Variants in TBC1D9B observed in about 807,000 individuals in gnomAD.
The protein encoded by TBC1D9B is TBC1 domain family, member 9B (with GRAM domain).
TBC1D9B carries 87 observed loss-of-function variants against 121.1 expected under a neutral mutation model. The ratio of observed to expected loss-of-function variants is 0.72; its 90% CI spans 0.60 to 0.86. The LOEUF (loss-of-function observed/expected upper bound fraction) is 0.86, where lower values mean the gene tolerates loss of function less well. Among genes scored for constraint, TBC1D9B ranks in the 40% least tolerant of loss-of-function variants. TBC1D9B has a pLI of 0.00. For missense variants in TBC1D9B, 1,540 were observed against 1,628.6 expected, an observed-to-expected ratio of 0.95 and a Z score of 0.94; for synonymous variants, 668 against 670.1, an observed-to-expected ratio of 1.00 and a Z score of 0.05.
rs1289180171 is a variant in TBC1D9B, at chr5:179,899,267, C to T, written c.270G>A (p.Leu90=). The change falls in exon 3 of 21, where the codon CTG becomes CTA. Residue 90 remains leucine (L), a synonymous_variant. Coordinates refer to ENST00000355235, the MANE Select transcript of TBC1D9B (RefSeq NM_015043.4). ...ACAGTGTCTGGAGCAAGTTATTTTC[C>T]AGCCATTCCCAGTGTTTTGTGATCT... ...RKEITKHWEW[L]ENNLLQTLSI... is the part of the protein sequence containing the mutation. The T allele has an allele frequency of 6.2e-7, 1 of 1,614,096 alleles. No homozygotes were observed. The highest frequency in any genetic ancestry group is 1.7e-5 in the Admixed American group (1 of 60,008).
chr5:179,873,993 G>A (rs535992723), intron 12 of TBC1D9B, among the ~76,000 whole-genome samples: 4 of 152,330 alleles, frequency 2.6e-5, no homozygotes, highest in Admixed American at 6.5e-5. Flanking sequence ...CCACAGTAGG[G>A]AGGTGACAAC....
intron 12 of TBC1D9B, among the ~76,000 whole-genome samples, chr5:179,873,781 G>A (rs1283167667): frequency 6.6e-6 from 1 of 152,132 alleles, no homozygotes; most frequent in Admixed American, 6.5e-5. Flanking sequence ...GGCCTCTCTG[G>A]GTCCCTGGGC....
Position 179,863,772 on chromosome 5 carries a change from C to G in TBC1D9B, c.3378G>C (p.Leu1126=). 6.2e-7 allele frequency: 1 copy of G among 1,613,692 alleles called. No homozygotes were observed. The highest frequency in any genetic ancestry group is 8.5e-7 in the Non-Finnish European group (1 of 1,180,010). Reference sequence around the variant, plus strand: ...TGTCGTCTTTGGTTTCATCGTCAGACAGCAGCTGGGAGGGTGAGCCCTGTC... The same window carrying G: ...TGTCGTCTTTGGTTTCATCGTCAGAGAGCAGCTGGGAGGGTGAGCCCTGTC... The part of the protein sequence containing the change: ...GEGQGSPSQL[L]SDDETKDDMS... Residue 1126 remains leucine, a synonymous_variant, in exon 21 of 21, where the codon CTG becomes CTC. Coordinates refer to ENST00000355235, the MANE Select transcript of TBC1D9B (RefSeq NM_015043.4). The surrounding 1 kb of genome is among the most constrained non-coding windows in gnomAD (Gnocchi z 4.5).
In TBC1D9B at chr5:179,863,684, C is replaced by T. The variant is rs749545069; in HGVS notation, c.3466G>A (p.Asp1156Asn). 1.7e-5 allele frequency: 27 copies of T among 1,613,574 alleles called. No individual in the cohort carries two copies. The highest frequency in any genetic ancestry group is 9.9e-5 in the South Asian group (9 of 91,082). ...GSLQCEDLADDTVLVGGEACS... is the reference protein window; with the variant it reads ...GSLQCEDLADNTVLVGGEACS... ...GCCTCCCCGCCCACCAGCACCGTGT[C>T]GTCTGCAAGGTCTTCACATTGCAGG... Residue 1156 changes from aspartate to asparagine, a missense_variant, in exon 21 of 21, where the codon GAC (aspartate) becomes AAC (asparagine). Coordinates refer to ENST00000355235, the MANE Select transcript of TBC1D9B (RefSeq NM_015043.4). The surrounding 1 kb of genome is among the most constrained non-coding windows in gnomAD (Gnocchi z 4.5).
Position 179,870,447 on chromosome 5 carries a change from C to T in TBC1D9B, c.2533G>A (p.Gly845Ser), listed in dbSNP as rs148516399. Residue 845 changes from glycine (G) to serine (S), a missense_variant, in exon 16 of 21, where the codon GGC becomes AGC. Coordinates refer to ENST00000355235, the MANE Select transcript of TBC1D9B (RefSeq NM_015043.4). ...TAGGGCAGGCTGGGGTCCCGACGGC[C>T]GGCCATTGTGCGGCTGCACCCCCAG... ...QYWGCSRTMA[G>S]RRDPSLPYLE... is the part of the protein sequence containing the mutation. 70 of 1,612,850 alleles carry T rather than the reference C, an allele frequency of 4.3e-5. No homozygotes were observed. The highest frequency in any genetic ancestry group is 3.9e-4 in the African/African-American group (29 of 74,926).
Position 179,891,538 on chromosome 5 carries a change from C to A in TBC1D9B, c.885G>T (p.Arg295=), listed in dbSNP as rs575958923. Residue 295 remains arginine, a synonymous_variant, in exon 6 of 21, where the codon CGG becomes CGT. Transcript: ENST00000355235. This position sits in a 1 kb window ranked among gnomAD's most constrained non-coding sequence, Gnocchi z 4.3. Reference sequence around the variant, plus strand: ...CGTCTAGCCGCTCATCCCTGGGCAGCCGGAACGTGGCTCGGTAGCACTCAT... The same window carrying A: ...CGTCTAGCCGCTCATCCCTGGGCAGACGGAACGTGGCTCGGTAGCACTCAT... ...AKNECYRATF[R]LPRDERLDGH... The A allele has an allele frequency of 5.0e-6, 8 of 1,613,916 alleles. No homozygotes were observed. Among genetic ancestry groups the A allele is most frequent in the Non-Finnish European group, 6.8e-6 (8 of 1,179,992 alleles).
chr5:179,883,287 C>T (rs1760590470), intron 7 of TBC1D9B, among the ~76,000 whole-genome samples: 1 of 152,182 alleles, frequency 6.6e-6, no homozygotes. Context: ...CTTATTTTAT[C>T]AGTTTTCCTG....
intron 7 of TBC1D9B, among the ~76,000 whole-genome samples, chr5:179,881,032 G>T (rs1036082048): frequency 3.9e-5 from 6 of 152,076 alleles, no homozygotes; most frequent in African/African-American, 1.4e-4. Flanking sequence ...CGGGTGTGTG[G>T]CGTGCAGCAG....
At chr5:179,882,408 C>T (rs1760567431) in intron 7 of TBC1D9B, among the ~76,000 whole-genome samples, 1 of 152,186 alleles carries the variant, frequency 6.6e-6, no homozygotes, top group African/African-American at 2.4e-5. Context: ...GCTTCCATCA[C>T]TCCTTGGTTA....
intron 10 of TBC1D9B, among the ~76,000 whole-genome samples, chr5:179,877,590 G>A (rs781732614): frequency 6.6e-6 from 1 of 151,436 alleles, no homozygotes; most frequent in Non-Finnish European, 1.5e-5. Context: ...CTTGAACCTG[G>A]GTGGTAGAGG....
chr5:179,869,785 C>T lies in TBC1D9B; in HGVS notation c.2775G>A (p.Lys925=). Residue 925 remains lysine (K), a synonymous_variant, in exon 17 of 21, where the codon AAG becomes AAA. Coordinates refer to ENST00000355235, the MANE Select transcript of TBC1D9B (RefSeq NM_015043.4). ...GGCTCTCACCTGGGGGAAGGTGTAG[C>T]TTGTAGAGCACCTTGAGCTTCTCTG... is the stretch of plus-strand genomic sequence containing the variant. ...DLTEKLKVLY[K]LHLPPALSPE... is the part of the protein sequence containing the mutation. 6.2e-7 allele frequency: 1 copy of T among 1,600,156 alleles called. No homozygotes were observed. Among genetic ancestry groups the T allele is most frequent in the Non-Finnish European group, 8.5e-7 (1 of 1,172,658 alleles).
At position 179,904,381 on chromosome 5, in the gene TBC1D9B, C is replaced by A. The variant is rs941644957; in HGVS notation, c.229+321G>T. Among the ~76,000 whole-genome samples the A allele has an allele frequency of 2.2e-4, 34 of 152,144 alleles. 2 individuals are homozygous for A. Among genetic ancestry groups the A allele is most frequent in the African/African-American group, 6.5e-4 (27 of 41,480 alleles). ...CTGGGACTACAGGCCTCCGCCACCA[C>A]CCCCAGCTAATTTTTTGTGTTTTTT... On this transcript the variant is annotated intron_variant, in intron 2 of 20. Transcript: ENST00000355235. The surrounding 1 kb of genome is among the most constrained non-coding windows in gnomAD (Gnocchi z 4.2).
intron 7 of TBC1D9B, among the ~76,000 whole-genome samples, chr5:179,882,210 G>A (rs1760563045): frequency 6.6e-6 from 1 of 152,164 alleles, no homozygotes; most frequent in Non-Finnish European, 1.5e-5. Flanking sequence ...CTCCCAAAGT[G>A]TTGGGATTAC....
chr5:179,864,520 G>C (rs1179237180), intron 20 of TBC1D9B, among the ~76,000 whole-genome samples: 1 of 145,118 alleles, frequency 6.9e-6, no homozygotes, highest in Non-Finnish European at 1.5e-5. Context: ...CTCAGCCCTT[G>C]AATGAAGCTC....
chr5:179,895,564 G>A (rs1472599624), intron 3 of TBC1D9B, among the ~76,000 whole-genome samples: 1 of 152,196 alleles, frequency 6.6e-6, no homozygotes, highest in Non-Finnish European at 1.5e-5. Context: ...CATTGTTACA[G>A]GGCTCAGGGT....
rs140042300 is a variant in TBC1D9B at position 179,888,249 on chromosome 5, T to C, written c.1108A>G (p.Lys370Glu). The C allele has an allele frequency of 2.1e-5, 34 of 1,611,668 alleles. No homozygotes were observed. Among genetic ancestry groups the C allele is most frequent in the Non-Finnish European group, 2.6e-5 (31 of 1,179,318 alleles). Reference sequence around the variant, plus strand: ...GCAAACAGGAATGTCATTTTGCTTTTGGTGCTGATGGACAGGGGGCTGGGC... The same window carrying C: ...GCAAACAGGAATGTCATTTTGCTTTCGGTGCTGATGGACAGGGGGCTGGGC... ...VLPSPLSISTKSKMTFLFANL... is the reference protein window; with the variant it reads ...VLPSPLSISTESKMTFLFANL... Residue 370 changes from lysine (K) to glutamate (E), a missense_variant, in exon 7 of 21, where the codon AAA becomes GAA. Transcript: ENST00000355235.
chr5:179,903,757 G>T (rs1195172192), intron 2 of TBC1D9B, among the ~76,000 whole-genome samples: 1 of 152,146 alleles, frequency 6.6e-6, no homozygotes, highest in Non-Finnish European at 1.5e-5. Flanking sequence ...TTGCTCTTAG[G>T]AACAAGAGCG....
At position 179,907,112 on chromosome 5, in the gene TBC1D9B, C is replaced by T. The variant is rs1245138020; in HGVS notation, c.118+592G>A. Among the ~76,000 whole-genome samples the T allele has an allele frequency of 6.6e-6, 1 of 152,188 alleles. No individual in the cohort carries two copies. Among genetic ancestry groups the T allele is most frequent in the South Asian group, 2.1e-4 (1 of 4,826 alleles). ...GCGAGCTTGCAGGAACACCCTGTGCCGCTACCCACAGCCTTGGGTGCGCAG... is the reference window on the plus strand; with the variant it reads ...GCGAGCTTGCAGGAACACCCTGTGCTGCTACCCACAGCCTTGGGTGCGCAG... On this transcript the variant is annotated intron_variant, in intron 1 of 20. Transcript: ENST00000355235. The surrounding 1 kb of genome is among the most constrained non-coding windows in gnomAD (Gnocchi z 5.3).
chr5:179,907,884 C>CCGGCG lies in TBC1D9B; in HGVS notation c.-64_-63insCGCCG. The CCGGCG allele has an allele frequency of 2.1e-6, 2 of 937,246 alleles. No individual in the cohort carries two copies. Among genetic ancestry groups the CCGGCG allele is most frequent in the Non-Finnish European group, 2.6e-6 (2 of 781,180 alleles). 58.1% of individuals were successfully genotyped at this position (937,246 alleles called of 1,614,324 possible). A position where few individuals can be genotyped will look rare whatever the true frequency, so the allele number is the denominator to read the frequency against. The stretch of plus-strand genomic sequence containing the variant: ...GGAAGCGCCCGCCGCCGTCGGCGTC[C>CCGGCG]CGGAGCGGAGCGTGCGGAGCGGAGC... On this transcript the variant is annotated 5_prime_UTR_variant, in exon 1 of 21. Coordinates refer to ENST00000355235, the MANE Select transcript of TBC1D9B (RefSeq NM_015043.4). The surrounding 1 kb of genome is among the most constrained non-coding windows in gnomAD (Gnocchi z 5.3).
Sources: allele counts gnomAD v4.1 joint callset (sites outside exome capture counted in the v4.1 genomes callset), GRCh38; gene constraint gnomAD v4.1.1; non-coding constraint Gnocchi (gnomAD v3.1); transcripts MANE v1.5; gene names NCBI Gene and HGNC (gene_info 2026-07-23, HGNC 2026-07-21).